FARS2: variants seen among roughly 807,000 people sequenced by gnomAD.
FARS2 encodes phenylalanyl-tRNA synthetase 2, mitochondrial, also known as phenylalanine--tRNA ligase, mitochondrial.
A neutral mutation model predicts 46.4 loss-of-function variants in FARS2; 40 were observed. The observed-to-expected ratio is 0.86, with a 90% CI of 0.67 to 1.12. FARS2 has a LOEUF of 1.12. Among genes scored for constraint, FARS2 ranks in the 50% most tolerant of loss-of-function variants. The pLI is 0.00. For missense variants in FARS2, 513 were observed against 567.9 expected (o/e 0.90, Z 0.98); for synonymous variants, 234 against 214.9 (o/e 1.09, Z -0.78).
intron 1 of FARS2, among the ~76,000 whole-genome samples, chr6:5,338,317 T>C (rs1771305820): frequency 6.6e-6 from 1 of 152,236 alleles, no homozygotes; most frequent in African/African-American, 2.4e-5. Context: ...AATTGTGTAT[T>C]GTGCTTTTGT....
intron 4 of FARS2, among the ~76,000 whole-genome samples, chr6:5,516,222 C>T (rs766205870): frequency 1.3e-5 from 2 of 152,292 alleles, no homozygotes; most frequent in African/African-American, 4.8e-5. Context: ...AGAAGGGACA[C>T]GTTTCACTTT....
At chr6:5,569,943 T>C (rs1298836518) in intron 5 of FARS2, among the ~76,000 whole-genome samples, 2 of 149,326 alleles carry the variant, frequency 1.3e-5, no homozygotes, top group African/African-American at 5.0e-5. Flanking sequence ...AGAAGACGGA[T>C]GTCAGGGTCA....
intron 6 of FARS2, among the ~76,000 whole-genome samples, chr6:5,758,445 G>A (rs1271640576): frequency 6.6e-6 from 1 of 152,132 alleles, no homozygotes; most frequent in East Asian, 1.9e-4. Flanking sequence ...TCCGCTCTCA[G>A]TAACACTGTG....
At chr6:5,353,081 T>C (rs1469290976) in intron 1 of FARS2, among the ~76,000 whole-genome samples, 3 of 152,212 alleles carry the variant, frequency 2.0e-5, no homozygotes, top group Admixed American at 6.5e-5. Flanking sequence ...TTCTACAGCC[T>C]ATGCTATCCA....
At chr6:5,344,013 G>A (rs1378000927) in intron 1 of FARS2, among the ~76,000 whole-genome samples, 4 of 152,146 alleles carry the variant, frequency 2.6e-5, no homozygotes, top group Admixed American at 6.6e-5. Flanking sequence ...TGTGCCTTCC[G>A]TGCTTCTCTT....
intron 5 of FARS2, among the ~76,000 whole-genome samples, chr6:5,595,290 T>A (rs1200803547): frequency 6.6e-6 from 1 of 152,176 alleles, no homozygotes; most frequent in Non-Finnish European, 1.5e-5. Context: ...ACCTTGTGCC[T>A]AGGAGGTCTA....
intron 1 of FARS2, among the ~76,000 whole-genome samples, chr6:5,281,280 C>G (rs1469129353): frequency 1.3e-5 from 2 of 152,126 alleles, no homozygotes; most frequent in Non-Finnish European, 2.9e-5. Context: ...ATAGCATAAA[C>G]TTTAATAATT....
intron 3 of FARS2, among the ~76,000 whole-genome samples, chr6:5,412,117 G>C (rs1408941312): frequency 6.6e-6 from 1 of 152,132 alleles, no homozygotes; most frequent in Non-Finnish European, 1.5e-5. Flanking sequence ...CTTGTTAAAA[G>C]ACCTGTGGTG....
At chr6:5,257,414 T>C (rs1316704803), upstream of FARS2, among the ~76,000 whole-genome samples, 1 of 152,208 alleles carries the variant, frequency 6.6e-6, no homozygotes, top group East Asian at 1.9e-4. Flanking sequence ...ACCCAGTCTG[T>C]GACAACTATC....
chr6:5,422,494 G>T (rs1017185974), intron 3 of FARS2, among the ~76,000 whole-genome samples: 5 of 152,094 alleles, frequency 3.3e-5, no homozygotes, highest in Non-Finnish European at 7.3e-5. Flanking sequence ...ATGTGGTGTT[G>T]CACTGTCTGC....
intron 6 of FARS2, among the ~76,000 whole-genome samples, chr6:5,620,310 A>G (rs1775702854): frequency 6.6e-6 from 1 of 152,144 alleles, no homozygotes. Context: ...GATTTTCTTT[A>G]ATGGAGAATG....
At chr6:5,745,577 C>T (rs888867546) in intron 6 of FARS2, among the ~76,000 whole-genome samples, 3 of 152,208 alleles carry the variant, frequency 2.0e-5, no homozygotes, top group Non-Finnish European at 4.4e-5. Context: ...CTCACTCTGT[C>T]ACCCAGGCTG....
intron 6 of FARS2, among the ~76,000 whole-genome samples, chr6:5,757,862 A>G (rs1762288749): frequency 6.6e-6 from 1 of 152,242 alleles, no homozygotes; most frequent in South Asian, 2.1e-4. Context: ...TACGGTTACT[A>G]TTAATAAAAT....
chr6:5,260,611 G>GGGCCCCCCCC, upstream of FARS2: 1 of 1,377,684 alleles, frequency 7.3e-7, no homozygotes, highest in Non-Finnish European at 9.8e-7. Context: ...CCGGCCCCTG[G>GGGCCCCCCCC]CCCCCCGCCC....
chr6:5,349,403 A>G (rs1757432847), intron 1 of FARS2, among the ~76,000 whole-genome samples: 1 of 152,236 alleles, frequency 6.6e-6, no homozygotes, highest in Non-Finnish European at 1.5e-5. Flanking sequence ...AGTTTTCCCT[A>G]ATTGACTTGT....
chr6:5,411,508 A>G (rs1274898851), intron 3 of FARS2, among the ~76,000 whole-genome samples: 3 of 152,156 alleles, frequency 2.0e-5, no homozygotes, highest in Non-Finnish European at 4.4e-5. Context: ...ATGAATGGGA[A>G]CTGCCTCTAC....
At chr6:5,547,345 G>A (rs1180109941) in intron 5 of FARS2, among the ~76,000 whole-genome samples, 1 of 151,252 alleles carries the variant, frequency 6.6e-6, no homozygotes, top group Non-Finnish European at 1.5e-5. Context: ...TCCTAATCAT[G>A]GCTTACATAT....
chr6:5,667,274 C>G (rs1430498125), intron 6 of FARS2, among the ~76,000 whole-genome samples: 2 of 152,122 alleles, frequency 1.3e-5, no homozygotes, highest in African/African-American at 4.8e-5. Context: ...AATCCCAGCC[C>G]TTTGGGGGGC....
At position 5,577,515 on chromosome 6, in the gene FARS2, C is replaced by T. The variant is rs574123359; in HGVS notation, c.1065+32175C>T. Among the ~76,000 whole-genome samples the T allele has an allele frequency of 6.1e-4, 93 of 152,238 alleles. 3 individuals are homozygous for T. The highest frequency in any genetic ancestry group is 2.1e-3 in the African/African-American group (86 of 41,540). ...GGCTCATTATAGAAAAGACTGAACTCGTGGCCAGGGCAGGGAAAATAGAAG... is the reference window on the plus strand; with the variant it reads ...GGCTCATTATAGAAAAGACTGAACTTGTGGCCAGGGCAGGGAAAATAGAAG... On this transcript the variant is annotated intron_variant, in intron 5 of 6. Transcript: ENST00000274680.
Sources: gnomAD v4.1 joint callset for allele counts (sites outside exome capture counted in the v4.1 genomes callset) on GRCh38, gnomAD v4.1.1 for gene constraint, MANE v1.5 for transcripts, NCBI Gene and HGNC (gene_info 2026-07-23, HGNC 2026-07-21) for gene names.